The following LONP2 variants were observed in gnomAD, a reference collection of about 807,000 sequenced individuals.
LONP2 encodes lon peptidase 2, peroxisomal.
Under a neutral mutation model 85.6 loss-of-function variants are expected in LONP2, and 60 were observed. The ratio of observed to expected loss-of-function variants is 0.70; its 90% CI spans 0.57 to 0.87. The LOEUF (loss-of-function observed/expected upper bound fraction) is 0.87, where lower values mean the gene tolerates loss of function less well. Among genes scored for constraint, LONP2 ranks in the 40% least tolerant of loss-of-function variants. The pLI, the probability that LONP2 is intolerant of heterozygous loss-of-function variation, is 0.00. For missense variants in LONP2, 860 were observed against 1,063.5 expected (o/e 0.81, Z 2.66); for synonymous variants, 395 against 389.7 (o/e 1.01, Z -0.16).
chr16:48,347,239 G>T (rs1649250247), intron 12 of LONP2, among the ~76,000 whole-genome samples: 1 of 152,190 alleles, frequency 6.6e-6, no homozygotes, highest in African/African-American at 2.4e-5. Context: ...TGTGTAGCTA[G>T]ATCTGGCTCA....
rs182219933 is a variant in LONP2 at position 48,323,781 on chromosome 16, C to T, written c.1796-10435C>T. Among the ~76,000 whole-genome samples the T allele has an allele frequency of 2.2e-3, 342 of 152,108 alleles. 1 individual carries two copies. The highest frequency in any genetic ancestry group is 6.4e-3 in the African/African-American group (264 of 41,470). ...CTTGAAAGAAAATGTATTTGGTAATCGTAAGGTTGTGTTGCCACCCCCAAA... is the reference window on the plus strand; with the variant it reads ...CTTGAAAGAAAATGTATTTGGTAATTGTAAGGTTGTGTTGCCACCCCCAAA... On this transcript the variant is annotated intron_variant, in intron 11 of 14. Coordinates refer to ENST00000285737, the MANE Select transcript of LONP2 (RefSeq NM_031490.5).
rs753250015 is a variant in LONP2, at chr16:48,348,321, T to A, written c.2337+31T>A. The A allele has an allele frequency of 9.1e-6, 12 of 1,315,212 alleles. No individual in the cohort carries two copies. In the Admixed American group the frequency reaches 2.6e-4, roughly 28 times the overall value. 81.5% of individuals were successfully genotyped at this position (1,315,212 alleles called of 1,614,324 possible). ...TATGAAAAAACAATTTATATGGTTA[T>A]TTTTTATTTAATTTTTGAAAATTAA... On this transcript the variant is annotated intron_variant, in intron 14 of 14. Coordinates refer to ENST00000285737, the MANE Select transcript of LONP2 (RefSeq NM_031490.5).
intron 8 of LONP2, among the ~76,000 whole-genome samples, chr16:48,291,113 T>TA (rs1210067099): frequency 6.6e-6 from 1 of 152,224 alleles, no homozygotes; most frequent in Non-Finnish European, 1.5e-5. Flanking sequence ...TTAGTTATGT[T>TA]ATTTTATCTT....
At chr16:48,256,255 T>C (rs1045269181) in intron 2 of LONP2, among the ~76,000 whole-genome samples, 2 of 152,162 alleles carry the variant, frequency 1.3e-5, no homozygotes, top group Admixed American at 6.5e-5. Flanking sequence ...GTGAATTCAA[T>C]TGGTGAATCT....
At chr16:48,246,582 A>AT (rs1971399598) in intron 1 of LONP2, among the ~76,000 whole-genome samples, 1 of 152,052 alleles carries the variant, frequency 6.6e-6, no homozygotes, top group Admixed American at 6.6e-5. Flanking sequence ...TCATTTGTGT[A>AT]TTTTTTGAGA....
intron 4 of LONP2, 90 bp downstream of exon 4, chr16:48,258,830 C>A: frequency 8.4e-7 from 1 of 1,188,846 alleles, no homozygotes; most frequent in Non-Finnish European, 1.1e-6. Flanking sequence ...TTGTCTCCTA[C>A]CACTCGCACT....
At chr16:48,312,542 T>C (rs1014694409) in intron 11 of LONP2, among the ~76,000 whole-genome samples, 42 of 152,170 alleles carry the variant, frequency 2.8e-4, no homozygotes, top group African/African-American at 1.0e-3. Flanking sequence ...TTCAGTGACA[T>C]AGACACTGTA....
intron 6 of LONP2, among the ~76,000 whole-genome samples, chr16:48,266,152 T>C (rs77326762): frequency 0.014 from 2,081 of 152,108 alleles, 48 homozygotes; most frequent in African/African-American, 0.047. Flanking sequence ...TACAGGCACC[T>C]GCCATGACAC....
At chr16:48,250,131 A>G (rs537240852) in intron 1 of LONP2, among the ~76,000 whole-genome samples, 181 of 148,366 alleles carry the variant, frequency 1.2e-3, no homozygotes, top group Non-Finnish European at 2.2e-3. Context: ...GGCAGAGTGC[A>G]ATAAGCCGAG....
At chr16:48,304,744 C>T (rs1972876580) in intron 11 of LONP2, among the ~76,000 whole-genome samples, 1 of 152,056 alleles carries the variant, frequency 6.6e-6, no homozygotes, top group Non-Finnish European at 1.5e-5. Flanking sequence ...GTTTTAATTT[C>T]TTGCCCCAAA....
At chr16:48,250,573 G>T (rs1165517263) in intron 1 of LONP2, among the ~76,000 whole-genome samples, 1 of 152,032 alleles carries the variant, frequency 6.6e-6, no homozygotes, top group Non-Finnish European at 1.5e-5. Context: ...CCTGATCGGA[G>T]ATTTGGATTT....
rs780531765 is a variant in LONP2 at position 48,350,188 on chromosome 16, C to T, written c.2338-1393C>T. Among the ~76,000 whole-genome samples, 6 of 152,156 alleles carry T rather than the reference C, an allele frequency of 3.9e-5. No individual in the cohort carries two copies. In the East Asian group the frequency reaches 5.8e-4, roughly 15 times the overall value. On this transcript the variant is annotated intron_variant, in intron 14 of 14. Coordinates refer to ENST00000285737, the MANE Select transcript of LONP2 (RefSeq NM_031490.5). Reference sequence around the variant, plus strand: ...ATCACTTGAGGTTAGGAGTTTGAGACCAGCCTGGCCAACATGGTGAAACCC... The same window carrying T: ...ATCACTTGAGGTTAGGAGTTTGAGATCAGCCTGGCCAACATGGTGAAACCC...
At chr16:48,308,008 C>T (rs1972947808) in intron 11 of LONP2, among the ~76,000 whole-genome samples, 1 of 152,152 alleles carries the variant, frequency 6.6e-6, no homozygotes, top group Non-Finnish European at 1.5e-5. Context: ...AACTCATTAC[C>T]ATGGGGAAGG....
intron 12 of LONP2, among the ~76,000 whole-genome samples, chr16:48,338,051 A>G (rs572307149): frequency 6.6e-6 from 1 of 152,062 alleles, no homozygotes; most frequent in African/African-American, 2.4e-5. Context: ...CAAGCCATCC[A>G]CCTGCCTCAG....
chr16:48,348,942 T>C (rs1960057817), intron 14 of LONP2, among the ~76,000 whole-genome samples: 1 of 152,234 alleles, frequency 6.6e-6, no homozygotes, highest in East Asian at 1.9e-4. Context: ...AGTAGTTGTT[T>C]TTAAGCTTTA....
intron 12 of LONP2, chr16:48,345,004 T>G (rs1366823826): frequency 6.6e-6 from 1 of 152,032 alleles, no homozygotes; most frequent in Non-Finnish European, 1.5e-5. Context: ...GGCAGATCAC[T>G]TGAGGTCAGG....
intron 8 of LONP2, among the ~76,000 whole-genome samples, chr16:48,289,419 T>A (rs1235783090): frequency 6.6e-6 from 1 of 152,146 alleles, no homozygotes; most frequent in African/African-American, 2.4e-5. Context: ...GACAAACCCT[T>A]GTGTTCTTTT....
At chr16:48,300,408 A>G (rs1972779169) in intron 10 of LONP2, among the ~76,000 whole-genome samples, 1 of 152,218 alleles carries the variant, frequency 6.6e-6, no homozygotes, top group South Asian at 2.1e-4. Flanking sequence ...AGTCTAATTT[A>G]CAGATTCCCT....
In LONP2 at chr16:48,334,494, G is replaced by A. The variant is rs554170907; in HGVS notation, c.1938+136G>A. The A allele has an allele frequency of 7.9e-5, 87 of 1,105,294 alleles. No homozygotes were observed. The East Asian group carries it at 1.1e-3, about 13-fold the overall frequency. The allele number at this position is 1,105,294 out of a possible 1,614,324, so 68.5% of individuals were successfully genotyped here. A position where few individuals can be genotyped will look rare whatever the true frequency, so the allele number is the denominator to read the frequency against. ...CCTTATTCGACCTTCTTTTTGGGACGCAGGTTGTTGGTGTGGCCGCACTTC... is the reference window on the plus strand; with the variant it reads ...CCTTATTCGACCTTCTTTTTGGGACACAGGTTGTTGGTGTGGCCGCACTTC... On this transcript the variant is annotated intron_variant, in intron 12 of 14. Transcript: ENST00000285737.
Sources: gnomAD v4.1 joint callset for allele counts (sites outside exome capture counted in the v4.1 genomes callset) on GRCh38, gnomAD v4.1.1 for gene constraint, MANE v1.5 for transcripts, NCBI Gene and HGNC (gene_info 2026-07-23, HGNC 2026-07-21) for gene names.